RAP1GAP2: variants seen among roughly 807,000 people sequenced by gnomAD.
The protein encoded by RAP1GAP2 is rap1 GTPase-activating protein 2.
A neutral mutation model predicts 95.0 loss-of-function variants in RAP1GAP2; 27 were observed. The ratio of observed to expected loss-of-function variants is 0.28; its 90% confidence interval spans 0.21 to 0.39. The LOEUF (loss-of-function observed/expected upper bound fraction) is 0.39, where lower values mean the gene tolerates loss of function less well. RAP1GAP2 is among the 10% of genes least tolerant of loss of function. The pLI is 1.00. For synonymous variants in RAP1GAP2, 373 were observed against 380.9 expected (o/e 0.98, Z 0.24); for missense variants, 771 against 970.0 (o/e 0.79, Z 2.72).
intron 11 of RAP1GAP2, among the ~76,000 whole-genome samples, chr17:2,990,927 C>G (rs2045730155): frequency 1.3e-5 from 2 of 151,182 alleles, no homozygotes; most frequent in Admixed American, 1.3e-4. Context: ...TCACTGCAAC[C>G]TCCGCTTCCC....
chr17:2,897,045 C>T (rs927633313), intron 2 of RAP1GAP2, among the ~76,000 whole-genome samples: 4 of 152,194 alleles, frequency 2.6e-5, no homozygotes, highest in Non-Finnish European at 4.4e-5. Context: ...ACTTTATAAA[C>T]GGGTGTCCAG....
chr17:2,985,238 G>A (rs1380596305), intron 11 of RAP1GAP2, among the ~76,000 whole-genome samples, 172 bp downstream of exon 11: 27 of 151,600 alleles, frequency 1.8e-4, no homozygotes, highest in Admixed American at 1.7e-3. Flanking sequence ...TCCAGCAAGG[G>A]TACTTCTTAC....
At chr17:2,780,028 C>T (rs991114408) in intron 1 of RAP1GAP2, among the ~76,000 whole-genome samples, 1 of 151,976 alleles carries the variant, frequency 6.6e-6, no homozygotes, top group African/African-American at 2.4e-5. Flanking sequence ...GTTCGTAGTT[C>T]GTGGTACAGC....
intron 3 of RAP1GAP2, among the ~76,000 whole-genome samples, chr17:2,932,032 C>T (rs1298252655): frequency 1.3e-5 from 2 of 152,226 alleles, no homozygotes; most frequent in Non-Finnish European, 2.9e-5. Flanking sequence ...CGCATTTGAT[C>T]AACACCTGCT....
In RAP1GAP2 at chr17:3,003,158, G is replaced by T. The variant is rs1362036172; in HGVS notation, c.1201-2211G>T. On this transcript the variant is annotated intron_variant, in intron 14 of 24. Transcript: ENST00000254695. This position sits in a 1 kb window ranked among gnomAD's most constrained non-coding sequence, Gnocchi z 4.1. Reference sequence around the variant, plus strand: ...GAGCTGAACCCACTTAAGGCCTGAGGCCACAGAGCCAGGGAGCTGTGGCTG... The same window carrying T: ...GAGCTGAACCCACTTAAGGCCTGAGTCCACAGAGCCAGGGAGCTGTGGCTG... Among the ~76,000 whole-genome samples the T allele has an allele frequency of 1.3e-5, 2 of 152,162 alleles. No homozygotes were observed. The highest frequency in any genetic ancestry group is 1.5e-5 in the Non-Finnish European group (1 of 68,026).
Position 3,026,414 on chromosome 17 carries a change from G to A in RAP1GAP2, c.1930G>A (p.Val644Ile), listed in dbSNP as rs377324035. The A allele has an allele frequency of 3.3e-5, 51 of 1,552,694 alleles. No homozygotes were observed. In the East Asian group the frequency reaches 4.6e-4, roughly 14 times the overall value. Reference sequence around the variant, plus strand: ...CCGCTCCTCCTCCAGCACCAGCAGCGTCAGCAGCACTGCAGGGGAGGGCGA... The same window carrying A: ...CCGCTCCTCCTCCAGCACCAGCAGCATCAGCAGCACTGCAGGGGAGGGCGA... ...ISRSSSSTSS[V>I]SSTAGEGEAM... The change falls in exon 21 of 25, where the codon GTC becomes ATC. Residue 644 changes from valine (V) to isoleucine (I), a missense_variant. Transcript: ENST00000254695.
At chr17:2,820,609 G>C (rs2070244569) in intron 2 of RAP1GAP2, among the ~76,000 whole-genome samples, 1 of 135,650 alleles carries the variant, frequency 7.4e-6, no homozygotes, top group Non-Finnish European at 1.5e-5. Flanking sequence ...AGCAATGAGA[G>C]ACACCGTCTC....
Position 2,889,767 on chromosome 17 carries a change from C to T in RAP1GAP2, c.81-15517C>T, listed in dbSNP as rs1351316213. ...GCACGATCTCAGATCATTGCAACCT[C>T]TGCCTCCCGGGTTCAAGTGATTCTC... On this transcript the variant is annotated intron_variant, in intron 2 of 24. Transcript: ENST00000254695. 3.4e-5 allele frequency among the ~76,000 whole-genome samples: 5 copies of T among 146,020 alleles called. No homozygotes were observed. The Admixed American group carries it at 3.5e-4, about 10-fold the overall frequency.
intron 3 of RAP1GAP2, among the ~76,000 whole-genome samples, chr17:2,945,956 A>C (rs1170997099): frequency 1.3e-5 from 2 of 151,844 alleles, no homozygotes; most frequent in African/African-American, 4.8e-5. Flanking sequence ...CGCCTGGGTA[A>C]TTTGTGTATA....
At chr17:2,785,718 C>T (rs764957694) in intron 1 of RAP1GAP2, among the ~76,000 whole-genome samples, 15 of 151,976 alleles carry the variant, frequency 9.9e-5, no homozygotes, top group African/African-American at 1.7e-4. Flanking sequence ...GCGAGTCTGC[C>T]GATGCTCCCG....
intron 3 of RAP1GAP2, among the ~76,000 whole-genome samples, chr17:2,956,593 G>A (rs1243280947): frequency 2.6e-5 from 4 of 152,208 alleles, no homozygotes; most frequent in Non-Finnish European, 4.4e-5. Flanking sequence ...GTCTGTTCTG[G>A]GCACTCATGA....
At chr17:2,828,948 G>T (rs1046170110) in intron 2 of RAP1GAP2, among the ~76,000 whole-genome samples, 1 of 150,916 alleles carries the variant, frequency 6.6e-6, no homozygotes, top group East Asian at 1.9e-4. Context: ...TTGCTCCCTG[G>T]GGGGGCAGGT....
At chr17:3,022,770 T>A (rs2046999690) in intron 19 of RAP1GAP2, among the ~76,000 whole-genome samples, 1 of 152,224 alleles carries the variant, frequency 6.6e-6, no homozygotes, top group South Asian at 2.1e-4. Context: ...GCTTTTGTTG[T>A]CTGTGGTTTT....
rs2046396739 is a variant in RAP1GAP2, at chr17:3,008,241, A to C, written c.1494+96A>C. On this transcript the variant is annotated intron_variant, in intron 17 of 24. Transcript: ENST00000254695. This position sits in a 1 kb window ranked among gnomAD's most constrained non-coding sequence, Gnocchi z 4.2. Reference sequence around the variant, plus strand: ...CCATGGGATACTGATCCCAGAGCCCAAGGGCCAGCTGGAGGGGTGACAGGA... The same window carrying C: ...CCATGGGATACTGATCCCAGAGCCCCAGGGCCAGCTGGAGGGGTGACAGGA... The C allele has an allele frequency of 1.2e-5, 19 of 1,543,670 alleles. No individual in the cohort carries two copies. The highest frequency in any genetic ancestry group is 1.7e-5 in the Non-Finnish European group (19 of 1,135,356).
intron 11 of RAP1GAP2, among the ~76,000 whole-genome samples, chr17:2,985,479 T>C (rs1200110453): frequency 3.3e-5 from 5 of 152,206 alleles, no homozygotes. Context: ...TGGAGCCAGC[T>C]GGGTGCGTCT....
chr17:2,977,766 A>AAAG (rs896018304), intron 8 of RAP1GAP2, among the ~76,000 whole-genome samples: 13 of 151,464 alleles, frequency 8.6e-5, no homozygotes, highest in Non-Finnish European at 1.9e-4. Flanking sequence ...AAAAAAAAAA[A>AAAG]AAAAAAGATG....
At chr17:2,856,733 A>G (rs541397352) in intron 2 of RAP1GAP2, among the ~76,000 whole-genome samples, 17 of 152,210 alleles carry the variant, frequency 1.1e-4, no homozygotes, top group African/African-American at 3.9e-4. Context: ...GGAGTCCTTT[A>G]TTTCTTCCTG....
intron 2 of RAP1GAP2, among the ~76,000 whole-genome samples, chr17:2,869,870 C>T (rs963679150): frequency 5.9e-5 from 9 of 152,130 alleles, no homozygotes; most frequent in Admixed American, 1.3e-4. Flanking sequence ...TGAGCGGGGA[C>T]GTATAGGGGG....
At chr17:2,756,200 C>T (rs2071140377) in intron 1 of RAP1GAP2, among the ~76,000 whole-genome samples, 1 of 152,264 alleles carries the variant, frequency 6.6e-6, no homozygotes, top group Admixed American at 6.5e-5. Flanking sequence ...GCACCACCCA[C>T]AGCCCCCAAC....
Sources: gnomAD v4.1 joint callset for allele counts (sites outside exome capture counted in the v4.1 genomes callset) on GRCh38, gnomAD v4.1.1 for gene constraint, Gnocchi (gnomAD v3.1) non-coding constraint, MANE v1.5 for transcripts, NCBI Gene and HGNC (gene_info 2026-07-23, HGNC 2026-07-21) for gene names.